Variants in NOTCH2NLR observed in about 807,000 individuals in gnomAD.
NOTCH2NLR encodes the protein notch 2 N-terminal like R.
A neutral mutation model predicts 35.6 loss-of-function variants in NOTCH2NLR; 33 were observed. The ratio of observed to expected loss-of-function variants is 0.93; its 90% CI spans 0.70 to 1.24. The LOEUF is 1.24. Among genes scored for constraint, NOTCH2NLR ranks in the 50% most tolerant of loss-of-function variants. NOTCH2NLR has a pLI of 0.00. For synonymous variants in NOTCH2NLR, 103 were observed against 141.0 expected, an observed-to-expected ratio of 0.73 and a Z score of 1.91; for missense variants, 276 against 362.2, an observed-to-expected ratio of 0.76 and a Z score of 1.93.
intron 1 of NOTCH2NLR, among the ~76,000 whole-genome samples, chr1:120,755,859 ATG>A (rs1651074358): frequency 1.2e-5 from 1 of 81,066 alleles, no homozygotes; most frequent in Admixed American, 1.2e-4. Flanking sequence ...CACTTTCTAT[ATG>A]ATAATATCTG....
In NOTCH2NLR at chr1:120,765,156, T is replaced by C. The variant is rs1305719049; in HGVS notation, c.155+1447T>C. The stretch of plus-strand genomic sequence containing the variant: ...TTATGAGCTGCTCATTTAGTTTTTC[T>C]AGCTGGGGGAAAAAAAAAACATGTG... On this transcript the variant is annotated intron_variant, in intron 2 of 4. Transcript: ENST00000624419. Among the ~76,000 whole-genome samples, 2 of 121,868 alleles carry C rather than the reference T, an allele frequency of 1.6e-5. 1 individual carries two copies. Among genetic ancestry groups the C allele is most frequent in the African/African-American group, 8.3e-5 (2 of 24,140 alleles). 80.0% of individuals were successfully genotyped at this position (121,868 alleles called of 152,430 possible).
At chr1:120,728,056 T>C (rs1650835021) in intron 1 of NOTCH2NLR, among the ~76,000 whole-genome samples, 1 of 118,780 alleles carries the variant, frequency 8.4e-6, no homozygotes, top group Non-Finnish European at 1.6e-5. Flanking sequence ...TCCTTTCTTC[T>C]GGTGTCCAGT....
chr1:120,761,329 T>C lies in NOTCH2NLR; in HGVS notation c.74-2299T>C. On this transcript the variant is annotated intron_variant, in intron 1 of 4. Coordinates refer to ENST00000624419, the Ensembl canonical transcript of NOTCH2NLR. Reference sequence around the variant, plus strand: ...ACTGGGCATGCCATTCATGTACTTATAAGGAGGGAGCTGTTGCTGGTGGAT... The same window carrying C: ...ACTGGGCATGCCATTCATGTACTTACAAGGAGGGAGCTGTTGCTGGTGGAT... Among the ~76,000 whole-genome samples, 2 of 113,856 alleles carry C rather than the reference T, an allele frequency of 1.8e-5. 1 individual carries two copies. The highest frequency in any genetic ancestry group is 3.3e-5 in the Non-Finnish European group (2 of 60,052). 74.7% of individuals were successfully genotyped at this position (113,856 alleles called of 152,430 possible).
rs1464559712 is a variant in NOTCH2NLR, at chr1:120,767,706, T to C, written c.155+3997T>C. On this transcript the variant is annotated intron_variant, in intron 2 of 4. Coordinates refer to ENST00000624419, the Ensembl canonical transcript of NOTCH2NLR. ...TGGGAGGTGTAAATATGTAATTAAA[T>C]TTGATGTCATTAATCACTTTCAAGT... 4.4e-5 allele frequency among the ~76,000 whole-genome samples: 5 copies of C among 114,108 alleles called. 1 individual carries two copies. The highest frequency in any genetic ancestry group is 8.4e-5 in the Admixed American group (1 of 11,854). 74.9% of individuals were successfully genotyped at this position (114,108 alleles called of 152,430 possible).
At chr1:120,759,745 G>A (rs1364106587) in intron 1 of NOTCH2NLR, among the ~76,000 whole-genome samples, 1 of 113,602 alleles carries the variant, frequency 8.8e-6, no homozygotes, top group Admixed American at 8.5e-5. Context: ...CATTTATAGG[G>A]TACAAAGTGA....
exon 1 of NOTCH2NLR, chr1:120,724,107 C>T: frequency 7.5e-7 from 1 of 1,340,426 alleles, no homozygotes; most frequent in South Asian, 1.4e-5. Flanking sequence ...ATCGGGACCC[C>T]CTCCCCATGT....
chr1:120,724,365 G>C, intron 1 of NOTCH2NLR, 115 bp downstream of exon 1: 2 of 1,350,860 alleles, frequency 1.5e-6, no homozygotes, highest in South Asian at 1.3e-5. Flanking sequence ...CGCCGGCGCG[G>C]AGTGAGGCCA....
exon 4 of NOTCH2NLR, chr1:120,793,304 G>T: frequency 7.1e-7 from 1 of 1,398,858 alleles, no homozygotes. Context: ...CAATGAGTGT[G>T]ACATTCCAGG....
intron 2 of NOTCH2NLR, among the ~76,000 whole-genome samples, chr1:120,770,678 A>G (rs1488625608): frequency 2.5e-5 from 3 of 120,608 alleles, no homozygotes; most frequent in Non-Finnish European, 3.2e-5. Context: ...TAATTCACTC[A>G]AGATCCCATC....
Position 120,765,167 on chromosome 1 carries a change from A to G in NOTCH2NLR, c.155+1458A>G, listed in dbSNP as rs1651177282. On this transcript the variant is annotated intron_variant, in intron 2 of 4. Coordinates refer to ENST00000624419, the Ensembl canonical transcript of NOTCH2NLR. ...TCATTTAGTTTTTCTAGCTGGGGGA[A>G]AAAAAAAACATGTGGTGCATTCTCC... Among the ~76,000 whole-genome samples, 2 of 120,854 alleles carry G rather than the reference A, an allele frequency of 1.7e-5. 1 individual carries two copies. The highest frequency in any genetic ancestry group is 4.9e-4 in the South Asian group (2 of 4,084). The allele number at this position is 120,854 out of a possible 152,430, so 79.3% of individuals were successfully genotyped here. A position where few individuals can be genotyped will look rare whatever the true frequency, so the allele number is the denominator to read the frequency against.
chr1:120,769,484 C>G (rs1386925035), intron 2 of NOTCH2NLR, among the ~76,000 whole-genome samples: 1 of 129,372 alleles, frequency 7.7e-6, no homozygotes, highest in East Asian at 2.0e-4. Context: ...TTTAGCTGAA[C>G]ATTGTGTATA....
chr1:120,784,291 T>C (rs1651398163), intron 2 of NOTCH2NLR, among the ~76,000 whole-genome samples: 1 of 117,888 alleles, frequency 8.5e-6, no homozygotes, highest in East Asian at 2.1e-4. Flanking sequence ...AGTAAGTCTG[T>C]TGTACCTCAT....
intron 1 of NOTCH2NLR, among the ~76,000 whole-genome samples, chr1:120,759,894 C>T (rs1651115301): frequency 9.4e-6 from 1 of 106,834 alleles, no homozygotes; most frequent in Non-Finnish European, 1.7e-5. Flanking sequence ...ATTCACCACT[C>T]TATGCAATAT....
In NOTCH2NLR at chr1:120,777,526, A is replaced by T. The variant is rs1369069063; in HGVS notation, c.156-7448A>T. Among the ~76,000 whole-genome samples, 3 of 109,420 alleles carry T rather than the reference A, an allele frequency of 2.7e-5. 1 individual carries two copies. The highest frequency in any genetic ancestry group is 2.6e-4 in the Admixed American group (3 of 11,406). The allele number at this position is 109,420 out of a possible 152,430, so 71.8% of individuals were successfully genotyped here. On this transcript the variant is annotated intron_variant, in intron 2 of 4. Coordinates refer to ENST00000624419, the Ensembl canonical transcript of NOTCH2NLR. ...ATACAACTAGTAAGGCCCTAGAAAA[A>T]CTACACTAGAAAGTGTGTTTTACCA...
In NOTCH2NLR at chr1:120,724,438, G is replaced by T. The variant is rs1455893518; in HGVS notation, c.73+188G>T. ...CCCCTCCCGTGGTGCCCCGCCAACC[G>T]CTGGGGTTCCCCGCCGCCTCTGCTC... is the stretch of plus-strand genomic sequence containing the variant. On this transcript the variant is annotated intron_variant, in intron 1 of 4. Coordinates refer to ENST00000624419, the Ensembl canonical transcript of NOTCH2NLR. Among the ~76,000 whole-genome samples the T allele has an allele frequency of 2.5e-5, 3 of 120,492 alleles. 1 individual carries two copies. Among genetic ancestry groups the T allele is most frequent in the African/African-American group, 4.6e-5 (1 of 21,582 alleles). 79.0% of individuals were successfully genotyped at this position (120,492 alleles called of 152,430 possible).
intron 2 of NOTCH2NLR, among the ~76,000 whole-genome samples, chr1:120,770,667 A>G (rs1185992662): frequency 2.5e-5 from 3 of 120,932 alleles, no homozygotes; most frequent in Non-Finnish European, 4.8e-5. Flanking sequence ...GAGAAGTTAA[A>G]TAATTCACTC....
chr1:120,790,897 G>T (rs2101467529), intron 3 of NOTCH2NLR, among the ~76,000 whole-genome samples: 1 of 95,616 alleles, frequency 1.0e-5, no homozygotes, highest in Admixed American at 1.1e-4. Context: ...ACCACTTCCG[G>T]CCCAGGGATC....
At chr1:120,779,479 G>A (rs1203672088) in intron 2 of NOTCH2NLR, among the ~76,000 whole-genome samples, 1 of 118,134 alleles carries the variant, frequency 8.5e-6, no homozygotes, top group Non-Finnish European at 1.7e-5. Context: ...CTAGAGAAGA[G>A]AGAGTAAGTA....
intron 1 of NOTCH2NLR, among the ~76,000 whole-genome samples, chr1:120,759,470 A>G (rs2101398964): frequency 1.6e-5 from 1 of 64,288 alleles, no homozygotes; most frequent in South Asian, 4.2e-4. Flanking sequence ...TGGTATGATT[A>G]ATGTTTCTTT....
Sources: allele counts gnomAD v4.1 joint callset (sites outside exome capture counted in the v4.1 genomes callset), GRCh38; gene constraint gnomAD v4.1.1; transcripts MANE v1.5; gene names NCBI Gene and HGNC (gene_info 2026-07-23, HGNC 2026-07-21).